Variants in B3GALT5 observed in about 807,000 individuals in gnomAD.
B3GALT5 encodes UDP-Gal:betaGlcNAc beta 1,3-galactosyltransferase, polypeptide 5.
For missense variants in B3GALT5, 328 were observed against 396.6 expected (o/e 0.83, Z 1.47); for synonymous variants, 156 against 158.6 (o/e 0.98, Z 0.12).
chr21:39,646,954 C>T (rs934877704), intron 2 of B3GALT5, among the ~76,000 whole-genome samples: 38 of 151,932 alleles, frequency 2.5e-4, no homozygotes, highest in Non-Finnish European at 2.9e-5. Context: ...TACAAAAATT[C>T]CCTGGGTGTG....
At chr21:39,634,529 T>C (rs147903809) in intron 1 of B3GALT5, among the ~76,000 whole-genome samples, 1 of 152,248 alleles carries the variant, frequency 6.6e-6, no homozygotes, top group East Asian at 1.9e-4. Context: ...TCTCTTCATA[T>C]GTCTACTCTT....
intron 2 of B3GALT5, among the ~76,000 whole-genome samples, chr21:39,658,264 G>A (rs563504288): frequency 2.0e-3 from 298 of 152,230 alleles, no homozygotes; most frequent in Non-Finnish European, 3.1e-3. Flanking sequence ...CTGCCAGTTG[G>A]GTTTGGCACC....
Position 39,665,742 on chromosome 21 carries a change from G to A in B3GALT5, c.*4250G>A. 1 of 152,140 alleles carries A rather than the reference G, an allele frequency of 6.6e-6. No homozygotes were observed. Among genetic ancestry groups the A allele is most frequent in the East Asian group, 1.9e-4 (1 of 5,196 alleles). The allele number at this position is 152,140 out of a possible 1,614,324, so 9.4% of individuals were successfully genotyped here. On this transcript the variant is annotated 3_prime_UTR_variant, in exon 4 of 4. Transcript: ENST00000684187. ...GAGGCCTACCCTGACCTCCCTGTAG[G>A]AAAATGCAACTCACCTCACTCCCAT...
At chr21:39,644,815 A>T (rs959755034) in intron 1 of B3GALT5, among the ~76,000 whole-genome samples, 1 of 152,098 alleles carries the variant, frequency 6.6e-6, no homozygotes, top group Non-Finnish European at 1.5e-5. Context: ...ATTTGCTAAG[A>T]TTATCCAGGA....
At chr21:39,643,680 A>G (rs1164577432) in intron 1 of B3GALT5, among the ~76,000 whole-genome samples, 1 of 152,212 alleles carries the variant, frequency 6.6e-6, no homozygotes, top group Non-Finnish European at 1.5e-5. Flanking sequence ...GAAGCATGCC[A>G]CAGATTGCTA....
intron 1 of B3GALT5, among the ~76,000 whole-genome samples, chr21:39,631,468 A>G (rs1237740885): frequency 2.0e-5 from 3 of 152,208 alleles, no homozygotes; most frequent in Non-Finnish European, 4.4e-5. Flanking sequence ...CTACTTCAGT[A>G]TGACCTCTTC....
intron 2 of B3GALT5, among the ~76,000 whole-genome samples, chr21:39,656,803 A>G (rs546046801): frequency 6.6e-6 from 1 of 152,250 alleles, no homozygotes; most frequent in East Asian, 1.9e-4. Flanking sequence ...TGATGCCCAG[A>G]TTTCCCGTTA....
At chr21:39,659,637 C>G (rs772996855) in intron 2 of B3GALT5, 116 bp from the exon 3 acceptor site, 26 of 498,018 alleles carry the variant, frequency 5.2e-5, no homozygotes, top group Non-Finnish European at 6.2e-5. Context: ...GGCTCAAATG[C>G]GTGCTCAGAG....
intron 1 of B3GALT5, among the ~76,000 whole-genome samples, chr21:39,624,713 A>C (rs998516336): frequency 6.6e-6 from 1 of 152,204 alleles, no homozygotes; most frequent in African/African-American, 2.4e-5. Context: ...GAATCCATAA[A>C]TAACTGAATT....
Position 39,665,474 on chromosome 21 carries a change from A to T in B3GALT5, c.*3982A>T, listed in dbSNP as rs2079570310. On this transcript the variant is annotated 3_prime_UTR_variant, in exon 4 of 4. Transcript: ENST00000684187. ...ACCAAGGATATTAAGGATAAAAACC[A>T]CATCCTTCATACCATTGTCTACCTG... 6.6e-6 allele frequency: 1 copy of T among 152,212 alleles called. No individual in the cohort carries two copies. The highest frequency in any genetic ancestry group is 2.4e-5 in the African/African-American group (1 of 41,444). The allele number at this position is 152,212 out of a possible 1,614,324, so 9.4% of individuals were successfully genotyped here. A position where few individuals can be genotyped will look rare whatever the true frequency, so the allele number is the denominator to read the frequency against.
intron 1 of B3GALT5, among the ~76,000 whole-genome samples, chr21:39,635,786 G>A (rs565711069): frequency 1.3e-5 from 2 of 152,066 alleles, no homozygotes; most frequent in Admixed American, 6.6e-5. Flanking sequence ...GGCCTCTTCC[G>A]TGCTGTTAAT....
chr21:39,617,502 C>T (rs1379115135), intron 1 of B3GALT5, among the ~76,000 whole-genome samples: 1 of 152,120 alleles, frequency 6.6e-6, no homozygotes, highest in Non-Finnish European at 1.5e-5. Flanking sequence ...GAAAAACTAC[C>T]ATTTATAAAA....
In B3GALT5 at chr21:39,661,382, G is replaced by A. The variant is rs766898271; in HGVS notation, c.823G>A (p.Val275Ile). 1.1e-5 allele frequency: 18 copies of A among 1,594,494 alleles called. No homozygotes were observed. Among genetic ancestry groups the A allele is most frequent in the South Asian group, 4.6e-5 (4 of 86,662 alleles). ...TFFPGGLRFSVCLFRRIVACH... is the reference protein window; with the variant it reads ...TFFPGGLRFSICLFRRIVACH... ...TTTTCCAGGGGGCTTACGCTTCTCC[G>A]TATGCCTCTTCAGGAGGATCGTGGC... The change falls in exon 4 of 4, where the codon GTA becomes ATA. Residue 275 changes from valine (V) to isoleucine (I), a missense_variant. Transcript: ENST00000684187. The surrounding 1 kb of genome is among the most constrained non-coding windows in gnomAD (Gnocchi z 4.7).
intron 1 of B3GALT5, among the ~76,000 whole-genome samples, chr21:39,632,471 A>G (rs375726730): frequency 6.6e-6 from 1 of 152,310 alleles, no homozygotes. Context: ...TGGAAGGGAA[A>G]GAAAATAAGA....
chr21:39,639,309 T>TCTTC (rs2079256851), intron 1 of B3GALT5, among the ~76,000 whole-genome samples: 1 of 91,548 alleles, frequency 1.1e-5, no homozygotes, highest in African/African-American at 4.4e-5. Context: ...TTTCTTTCTT[T>TCTTC]CTTTCTTTCT....
rs1164786143 is a variant in B3GALT5 at position 39,670,732 on chromosome 21, A to G, written c.*9240A>G. ...AATCCTTGATAAACAGTTCCAAAAG[A>G]AAAAAAAAAACAGGCTTTGGTGACT... On this transcript the variant is annotated 3_prime_UTR_variant, in exon 4 of 4. Coordinates refer to ENST00000684187, the MANE Select transcript of B3GALT5 (RefSeq NM_001356336.2). 6.8e-6 allele frequency: 1 copy of G among 147,930 alleles called. No individual in the cohort carries two copies. Among genetic ancestry groups the G allele is most frequent in the Non-Finnish European group, 1.5e-5 (1 of 66,480 alleles). 9.2% of individuals were successfully genotyped at this position (147,930 alleles called of 1,614,324 possible).
intron 1 of B3GALT5, among the ~76,000 whole-genome samples, chr21:39,638,614 A>C (rs920492995): frequency 1.2e-4 from 18 of 152,194 alleles, no homozygotes; most frequent in African/African-American, 4.3e-4. Context: ...ACCCCGGGAT[A>C]CAGAAAGCCC....
chr21:39,625,176 A>C (rs898909011), intron 1 of B3GALT5, among the ~76,000 whole-genome samples: 1 of 152,248 alleles, frequency 6.6e-6, no homozygotes, highest in African/African-American at 2.4e-5. Flanking sequence ...CCTATGGCAC[A>C]AAAAGCCAGG....
chr21:39,653,317 A>C (rs1043571098), intron 2 of B3GALT5, among the ~76,000 whole-genome samples: 2 of 152,198 alleles, frequency 1.3e-5, no homozygotes, highest in African/African-American at 4.8e-5. Flanking sequence ...CTGTTGATGG[A>C]AATTTCTTGA....
Sources: gnomAD v4.1 joint callset for allele counts (sites outside exome capture counted in the v4.1 genomes callset) on GRCh38, gnomAD v4.1.1 for gene constraint, Gnocchi (gnomAD v3.1) non-coding constraint, MANE v1.5 for transcripts, NCBI Gene and HGNC (gene_info 2026-07-23, HGNC 2026-07-21) for gene names.